UTP20: variants seen among roughly 807,000 people sequenced by gnomAD.
UTP20 encodes UTP20 small subunit processome component, also known as small subunit processome component 20 homolog.
UTP20 carries 164 observed loss-of-function variants against 329.5 expected under a neutral mutation model. The ratio of observed to expected loss-of-function variants is 0.50; its 90% CI spans 0.44 to 0.57. The LOEUF (loss-of-function observed/expected upper bound fraction) is 0.57. Among genes scored for constraint, UTP20 ranks in the 20% least tolerant of loss-of-function variants. The probability of loss-of-function intolerance (pLI) is 0.00; values close to 1 mark genes in which losing one functional copy is unlikely to be tolerated. For synonymous variants in UTP20, 1,151 were observed against 1,159.3 expected, an observed-to-expected ratio of 0.99 and a Z score of 0.14; for missense variants, 3,055 against 3,284.2, an observed-to-expected ratio of 0.93 and a Z score of 1.71.
At chr12:101,332,266 G>A (rs933086010) in intron 27 of UTP20, among the ~76,000 whole-genome samples, 1 of 152,186 alleles carries the variant, frequency 6.6e-6, no homozygotes, top group Non-Finnish European at 1.5e-5. Context: ...GAACCCAGGA[G>A]GTGGAGGTTG....
chr12:101,305,613 A>T (rs1393591553), intron 15 of UTP20, among the ~76,000 whole-genome samples: 19 of 132,956 alleles, frequency 1.4e-4, no homozygotes, highest in African/African-American at 2.5e-4. Context: ...AATAAATATT[A>T]TATATATATA....
At chr12:101,369,298 A>G (rs1004877211) in intron 48 of UTP20, among the ~76,000 whole-genome samples, 3 of 152,188 alleles carry the variant, frequency 2.0e-5, no homozygotes, top group Non-Finnish European at 4.4e-5. Flanking sequence ...TCCAAATCAT[A>G]TAACCTCCAT....
chr12:101,345,757 C>T, intron 37 of UTP20, 63 bp downstream of exon 37: 1 of 1,426,474 alleles, frequency 7.0e-7, no homozygotes, highest in East Asian at 2.5e-5. Context: ...AACAGTTCTA[C>T]CTCATTTGGA....
chr12:101,370,255 T>G (rs1870240282), intron 49 of UTP20, among the ~76,000 whole-genome samples, 177 bp from the exon 50 acceptor site: 1 of 152,152 alleles, frequency 6.6e-6, no homozygotes, highest in South Asian at 2.1e-4. Context: ...AAAGTTAGTT[T>G]TCCCCATTGC....
chr12:101,375,538 G>T (rs553183545), intron 55 of UTP20, 86 bp from the exon 56 acceptor site: 4 of 1,429,524 alleles, frequency 2.8e-6, no homozygotes, highest in African/African-American at 2.8e-5. Context: ...GTTCAGAAAC[G>T]GGTGGATTGA....
Position 101,309,752 on chromosome 12 carries a change from T to C in UTP20, c.2155-11T>C. The C allele has an allele frequency of 6.2e-7, 1 of 1,612,106 alleles. No homozygotes were observed. Among genetic ancestry groups the C allele is most frequent in the Middle Eastern group, 1.7e-4 (1 of 5,814 alleles). On this transcript the variant is annotated splice_polypyrimidine_tract_variant and intron_variant, in intron 18 of 61. Transcript: ENST00000261637. ...ATTACCCAATACTAAACTAGTCTTT[T>C]GTAATTGCAGGTGCCGCTTCGTTAT...
At position 101,369,734 on chromosome 12, in the gene UTP20, C is replaced by T; in HGVS notation, c.6398C>T (p.Ala2133Val). The T allele has an allele frequency of 6.4e-7, 1 of 1,573,868 alleles. No individual in the cohort carries two copies. The highest frequency in any genetic ancestry group is 1.3e-5 in the African/African-American group (1 of 74,152). Residue 2133 changes from alanine (A) to valine (V), a missense_variant, in exon 49 of 62, where the codon GCT becomes GTT. By Grantham distance (64) the Ala-to-Val change is moderately conservative (BLOSUM62 0). Around this residue, in one of 3 missense-constraint regions of UTP20, gnomAD observed 2,445 missense variants for 2,575.5 expected, o/e 0.95. Coordinates refer to ENST00000261637, the MANE Select transcript of UTP20 (RefSeq NM_014503.3). Reference protein sequence around the residue: ...GSMDVKVITGALQCLIWVLRF... With the variant: ...GSMDVKVITGVLQCLIWVLRF... ...TGTTTTTTTCAGGTGATCACAGGTG[C>T]TTTACAGTGCCTCATCTGGGTCTTG...
At chr12:101,338,710 A>G (rs370705010) in intron 30 of UTP20, 103 bp from the exon 31 acceptor site, 2 of 911,428 alleles carry the variant, frequency 2.2e-6, no homozygotes, top group African/African-American at 3.4e-5. Context: ...TTTAACTTAA[A>G]TGTTCATAGT....
At position 101,365,635 on chromosome 12, in the gene UTP20, A is replaced by T. The variant is rs540161341; in HGVS notation, c.6125+10A>T. 5.2e-6 allele frequency: 8 copies of T among 1,546,366 alleles called. No homozygotes were observed. Among genetic ancestry groups the T allele is most frequent in the Non-Finnish European group, 6.9e-6 (8 of 1,151,308 alleles). Reference sequence around the variant, plus strand: ...TAACAGAGAAAGAAAAGTAAGTTGGAAAAAAAACAAACTGTCATTTAGGTC... The same window carrying T: ...TAACAGAGAAAGAAAAGTAAGTTGGTAAAAAAACAAACTGTCATTTAGGTC... On this transcript the variant is annotated intron_variant, in intron 46 of 61. Transcript: ENST00000261637.
In UTP20 at chr12:101,345,655, C is replaced by T; in HGVS notation, c.4707C>T (p.Asp1569=). ...KDLVQLTHYH[D]PEMDFFENMK... ...TGGTACAACTTACTCATTACCATGA[C>T]CCAGAAATGGACTTCTTTGAGAACA... The change falls in exon 37 of 62, where the codon GAC becomes GAT. Residue 1569 remains aspartate, a synonymous_variant. Transcript: ENST00000261637. 1.9e-6 allele frequency: 3 copies of T among 1,611,510 alleles called. No homozygotes were observed. Among genetic ancestry groups the T allele is most frequent in the African/African-American group, 2.7e-5 (2 of 74,884 alleles).
chr12:101,358,958 A>G (rs570214680), intron 43 of UTP20, among the ~76,000 whole-genome samples: 2 of 152,246 alleles, frequency 1.3e-5, no homozygotes, highest in African/African-American at 4.8e-5. Flanking sequence ...CAGCAGTTTG[A>G]TCATGATGTG....
At chr12:101,354,277 A>AG (rs1869639149) in intron 40 of UTP20, among the ~76,000 whole-genome samples, 2 of 133,928 alleles carry the variant, frequency 1.5e-5, no homozygotes, top group East Asian at 2.8e-4. Flanking sequence ...AAAAAAAAAA[A>AG]AAAAAAAGAA....
chr12:101,383,880 G>C (rs1280087278), intron 60 of UTP20, among the ~76,000 whole-genome samples: 1 of 151,002 alleles, frequency 6.6e-6, no homozygotes, highest in African/African-American at 2.4e-5. Context: ...AAAAGAGAGA[G>C]AGATGAATAG....
chr12:101,385,421 CAGTGATAATGCTGCAAG>C (rs1870791423), intron 60 of UTP20, among the ~76,000 whole-genome samples, 145 bp from the exon 61 acceptor site: 2 of 152,260 alleles, frequency 1.3e-5, no homozygotes, highest in African/African-American at 2.4e-5. Context: ...GTTGAAGTAA[CAGTGATAATGCTGCAAG>C]AGTTGAAATT....
chr12:101,348,709 CT>C (rs1186389846), intron 38 of UTP20, among the ~76,000 whole-genome samples: 2 of 121,054 alleles, frequency 1.7e-5, no homozygotes, highest in East Asian at 2.3e-4. Context: ...TTGTTGTTTC[CT>C]TTTTTTGTGT....
intron 29 of UTP20, among the ~76,000 whole-genome samples, chr12:101,337,375 C>G (rs1208390103): frequency 1.3e-5 from 2 of 152,208 alleles, no homozygotes; most frequent in African/African-American, 2.4e-5. Context: ...GTTTGACCTT[C>G]CTAGTAATTG....
chr12:101,385,709 A>T lies in UTP20; in HGVS notation c.8183A>T (p.Lys2728Ile). Residue 2728 changes from lysine to isoleucine, a missense_variant, in exon 61 of 62, where the codon AAA becomes ATA. Physicochemically the swap from Lys to Ile is moderately radical, Grantham distance 102. Transcript: ENST00000261637. The part of the protein sequence containing the change: ...KQANEKRALR[K>I]KRKALEFVTN... ...GCTAATGAGAAAAGGGCACTCCGGA[A>T]AAAGAGGAAGGCCCTGGAGGTAAGT... 1 of 1,611,448 alleles carries T rather than the reference A, an allele frequency of 6.2e-7. No individual in the cohort carries two copies. The highest frequency in any genetic ancestry group is 1.3e-5 in the African/African-American group (1 of 74,810).
At chr12:101,296,417 A>G (rs528072889) in intron 12 of UTP20, among the ~76,000 whole-genome samples, 78 of 152,206 alleles carry the variant, frequency 5.1e-4, no homozygotes, top group Admixed American at 1.4e-3. Flanking sequence ...TAAAAATACA[A>G]AAAATTAGCC....
intron 21 of UTP20, among the ~76,000 whole-genome samples, chr12:101,313,609 G>A (rs1872866889): frequency 1.3e-5 from 2 of 152,070 alleles, no homozygotes; most frequent in South Asian, 4.1e-4. Flanking sequence ...TAGCAGTGAA[G>A]ATGGGTATTT....
Sources: gnomAD v4.1 joint callset for allele counts (sites outside exome capture counted in the v4.1 genomes callset) on GRCh38, gnomAD v4.1.1 for gene constraint, gnomAD v4.1.1 regional missense constraint, MANE v1.5 for transcripts, NCBI Gene and HGNC (gene_info 2026-07-23, HGNC 2026-07-21) for gene names.